MDH1B: variants seen among roughly 807,000 people sequenced by gnomAD.
The protein encoded by MDH1B is malate dehydrogenase 1B.
In MDH1B, 60 loss-of-function variants were observed where a neutral mutation model predicts 61.4. The observed-to-expected ratio is 0.98, with a 90% CI of 0.79 to 1.21. The LOEUF (loss-of-function observed/expected upper bound fraction) is 1.21. MDH1B is among the 50% of genes most tolerant of loss of function. MDH1B has a pLI of 0.00. For missense variants in MDH1B, 587 were observed against 632.1 expected (o/e 0.93, Z 0.76); for synonymous variants, 236 against 218.7 (o/e 1.08, Z -0.70).
At chr2:206,745,527 TGA>T (rs1209576473) in intron 9 of MDH1B, 93 bp downstream of exon 9, 16 of 919,864 alleles carry the variant, frequency 1.7e-5, no homozygotes, top group South Asian at 4.6e-5. Flanking sequence ...AAAATATAAA[TGA>T]GAGTTATTCA....
intron 2 of MDH1B, among the ~76,000 whole-genome samples, chr2:206,758,799 A>C (rs1688917623): frequency 6.6e-6 from 1 of 151,618 alleles, no homozygotes; most frequent in African/African-American, 2.4e-5. Flanking sequence ...AAACTAGTGA[A>C]CGTGGTACTA....
chr2:206,745,734 T>A (rs1251086994), intron 8 of MDH1B, 61 bp from the exon 9 acceptor site: 21 of 707,740 alleles, frequency 3.0e-5, no homozygotes, highest in African/African-American at 6.7e-5. Context: ...ATTCTTCTTT[T>A]TTTTTTTTTT....
intron 5 of MDH1B, among the ~76,000 whole-genome samples, chr2:206,754,333 A>G (rs1358038709): frequency 6.6e-6 from 1 of 152,176 alleles, no homozygotes; most frequent in Admixed American, 6.5e-5. Flanking sequence ...AATATGTCCA[A>G]TATTATCTCC....
intron 1 of MDH1B, among the ~76,000 whole-genome samples, chr2:206,762,493 T>G (rs1338218662): frequency 6.6e-6 from 1 of 152,200 alleles, no homozygotes; most frequent in Non-Finnish European, 1.5e-5. Flanking sequence ...TTATCCTCTC[T>G]TTCTAGAGTC....
chr2:206,750,389 T>C lies in MDH1B; in HGVS notation c.1052+545A>G, dbSNP rs140484330. Among the ~76,000 whole-genome samples the C allele has an allele frequency of 4.2e-3, 595 of 143,330 alleles. 1 individual carries two copies. Among genetic ancestry groups the C allele is most frequent in the Middle Eastern group, 7.1e-3 (2 of 282 alleles). 94.0% of individuals were successfully genotyped at this position (143,330 alleles called of 152,430 possible). On this transcript the variant is annotated intron_variant, in intron 6 of 11. Transcript: ENST00000374412. ...TTACAGAGAGGCTGCTTAGCCTCTCTGTAACTCAGTTTTTCATCTGCAAAG... is the reference window on the plus strand; with the variant it reads ...TTACAGAGAGGCTGCTTAGCCTCTCCGTAACTCAGTTTTTCATCTGCAAAG...
At chr2:206,755,556 T>C (rs1162551528) in intron 4 of MDH1B, 51 bp from the exon 5 acceptor site, 1 of 1,546,778 alleles carries the variant, frequency 6.5e-7, no homozygotes, top group Non-Finnish European at 8.7e-7. Flanking sequence ...TTTGTCCCTT[T>C]TAAGCCTTTA....
rs570780457 is a variant in MDH1B, at chr2:206,752,348, A to G, written c.911-1273T>C. Among the ~76,000 whole-genome samples, 4 of 152,326 alleles carry G rather than the reference A, an allele frequency of 2.6e-5. No homozygotes were observed. In the East Asian group the frequency reaches 5.8e-4, roughly 22 times the overall value. ...AAAAGGGATGATTGTTTGAGCCTCTATAGTAGAGAGAGGCTAGCAGAAGAG... is the reference window on the plus strand; with the variant it reads ...AAAAGGGATGATTGTTTGAGCCTCTGTAGTAGAGAGAGGCTAGCAGAAGAG... On this transcript the variant is annotated intron_variant, in intron 5 of 11. Coordinates refer to ENST00000374412, the MANE Select transcript of MDH1B (RefSeq NM_001039845.3).
Position 206,755,375 on chromosome 2 carries a change from C to T in MDH1B, c.544G>A (p.Val182Met), listed in dbSNP as rs760901350. Residue 182 changes from valine (V) to methionine (M), a missense_variant, in exon 5 of 12, where the codon GTG becomes ATG. Physicochemically the swap from Val to Met is conservative, Grantham distance 21. Coordinates refer to ENST00000374412, the MANE Select transcript of MDH1B (RefSeq NM_001039845.3). The part of the protein sequence containing the change: ...QAEEHLKSLV[V>M]ETQDLASPVL... Reference sequence around the variant, plus strand: ...GGAGATGCCAGGTCTTGGGTCTCCACCACAAGGCTTTTGAGATGTTCTTCC... The same window carrying T: ...GGAGATGCCAGGTCTTGGGTCTCCATCACAAGGCTTTTGAGATGTTCTTCC... 3.7e-6 allele frequency: 6 copies of T among 1,614,198 alleles called. No homozygotes were observed. The East Asian group carries it at 8.9e-5, about 24-fold the overall frequency.
chr2:206,748,904 G>C (rs1354794035), intron 7 of MDH1B, 116 bp downstream of exon 7: 1 of 799,288 alleles, frequency 1.3e-6, no homozygotes, highest in East Asian at 2.6e-5. Flanking sequence ...AATTGTAAAA[G>C]TCCAGGCAGC....
rs771831725 is a variant in MDH1B, at chr2:206,755,203, T to A, written c.716A>T (p.Tyr239Phe). 6.2e-7 allele frequency: 1 copy of A among 1,614,118 alleles called. No individual in the cohort carries two copies. Among genetic ancestry groups the A allele is most frequent in the East Asian group, 2.2e-5 (1 of 44,868 alleles). The change falls in exon 5 of 12, where the codon TAT becomes TTT. Residue 239 changes from tyrosine to phenylalanine, a missense_variant. Coordinates refer to ENST00000374412, the MANE Select transcript of MDH1B (RefSeq NM_001039845.3). ...AGCATTTTTCTCTATCAGGTACCCA[T>A]AGAGCCTGCAGAGAGGCACCCTGCT... The part of the protein sequence containing the change: ...LRSRVPLCRL[Y>F]GYLIEKNAHE...
intron 9 of MDH1B, chr2:206,745,402 T>C (rs1202678984): frequency 1.5e-6 from 1 of 657,568 alleles, no homozygotes; most frequent in Non-Finnish European, 2.8e-6. Context: ...ACCTACAACA[T>C]TTATAAGATC....
At chr2:206,760,082 T>A (rs764048042) in intron 2 of MDH1B, among the ~76,000 whole-genome samples, 1 of 152,156 alleles carries the variant, frequency 6.6e-6, no homozygotes, top group Non-Finnish European at 1.5e-5. Context: ...TGTGAACTGA[T>A]TATAGGGAGC....
chr2:206,748,248 A>G (rs6435348), intron 7 of MDH1B, among the ~76,000 whole-genome samples: 19,095 of 152,166 alleles, frequency 0.13, 1,779 homozygotes, highest in African/African-American at 0.27. Flanking sequence ...GCATAGTGGC[A>G]TGCGCCTGTG....
intron 1 of MDH1B, among the ~76,000 whole-genome samples, chr2:206,762,958 T>C (rs1689188819): frequency 6.6e-6 from 1 of 152,160 alleles, no homozygotes; most frequent in Non-Finnish European, 1.5e-5. Context: ...CTGAGAAGCA[T>C]CTTGTCTTTA....
At chr2:206,744,171 C>T (rs1353046504) in intron 9 of MDH1B, among the ~76,000 whole-genome samples, 1 of 152,214 alleles carries the variant, frequency 6.6e-6, no homozygotes, top group Non-Finnish European at 1.5e-5. Context: ...TTCTTCCCTT[C>T]TATCCGCAGG....
intron 7 of MDH1B, among the ~76,000 whole-genome samples, chr2:206,746,711 G>C (rs1206404871): frequency 2.0e-5 from 3 of 152,088 alleles, no homozygotes; most frequent in Non-Finnish European, 4.4e-5. Context: ...CTTTTTGTCT[G>C]TCTGCATGGC....
At chr2:206,744,149 T>TCCTGCTTCAGATTCTTC (rs1303261184) in intron 9 of MDH1B, among the ~76,000 whole-genome samples, 1 of 152,230 alleles carries the variant, frequency 6.6e-6, no homozygotes, top group Non-Finnish European at 1.5e-5. Context: ...ATATGTACTT[T>TCCTGCTTCAGATTCTTC]CCTGCTTCAG....
chr2:206,760,941 A>G lies in MDH1B; in HGVS notation c.95T>C (p.Phe32Ser). 6.2e-7 allele frequency: 1 copy of G among 1,613,124 alleles called. No individual in the cohort carries two copies. The highest frequency in any genetic ancestry group is 1.1e-5 in the South Asian group (1 of 90,962). ...ADYLQKNLPD[F>S]RIHKITQRPE... The stretch of plus-strand genomic sequence containing the variant: ...ACGTTGTGTGATTTTATGTATCCGA[A>G]AATCAGGAAGATTCTTTTGTAAATA... Residue 32 changes from phenylalanine (F) to serine (S), a missense_variant, in exon 2 of 12, where the codon TTT becomes TCT. Physicochemically the swap from Phe to Ser is radical, Grantham distance 155 (BLOSUM62 -2). Coordinates refer to ENST00000374412, the MANE Select transcript of MDH1B (RefSeq NM_001039845.3).
intron 2 of MDH1B, among the ~76,000 whole-genome samples, chr2:206,758,556 A>C (rs1688895746): frequency 6.6e-6 from 1 of 152,116 alleles, no homozygotes; most frequent in Non-Finnish European, 1.5e-5. Context: ...ATCTGAGGTC[A>C]AGAGTTCGAG....
Sources: gnomAD v4.1 joint callset for allele counts (sites outside exome capture counted in the v4.1 genomes callset) on GRCh38, gnomAD v4.1.1 for gene constraint, MANE v1.5 for transcripts, NCBI Gene and HGNC (gene_info 2026-07-23, HGNC 2026-07-21) for gene names.